LUZP2: variants seen among roughly 807,000 people sequenced by gnomAD.
The protein encoded by LUZP2 is leucine zipper protein 2.
In LUZP2, 52 loss-of-function variants were observed where a neutral mutation model predicts 51.6. The ratio of observed to expected loss-of-function variants is 1.01; its 90% CI spans 0.81 to 1.27. The LOEUF is 1.27. Ranked by LOEUF, LUZP2 falls within the 50% of genes most tolerant of loss-of-function variation. LUZP2 has a pLI of 0.00. For missense variants in LUZP2, 436 were observed against 395.4 expected (o/e 1.10, Z -0.87); for synonymous variants, 154 against 137.3 (o/e 1.12, Z -0.85).
intron 6 of LUZP2, among the ~76,000 whole-genome samples, chr11:24,908,190 A>G (rs1394501862): frequency 6.6e-6 from 1 of 152,208 alleles, no homozygotes; most frequent in Non-Finnish European, 1.5e-5. Flanking sequence ...AGAATAAAAT[A>G]TCTAAATCCC....
At chr11:24,497,360 G>A (rs1167210671) in intron 1 of LUZP2, 55 bp downstream of exon 1, 15 of 1,379,250 alleles carry the variant, frequency 1.1e-5, no homozygotes, top group Non-Finnish European at 1.4e-5. Flanking sequence ...GGGCGAGGTT[G>A]GTCCTACTGT....
intron 1 of LUZP2, among the ~76,000 whole-genome samples, chr11:24,592,322 T>G (rs1455084564): frequency 6.6e-6 from 1 of 152,216 alleles, no homozygotes. Context: ...ATTTCACATT[T>G]GATTTGAGAT....
At chr11:24,609,594 G>C (rs993552009) in intron 1 of LUZP2, among the ~76,000 whole-genome samples, 6 of 151,882 alleles carry the variant, frequency 4.0e-5, no homozygotes, top group Admixed American at 2.6e-4. Flanking sequence ...GTGGGATGTG[G>C]TGGCATGTGC....
intron 1 of LUZP2, among the ~76,000 whole-genome samples, chr11:24,548,346 T>C (rs10767210): frequency 0.42 from 63,677 of 151,882 alleles, 13,856 homozygotes; most frequent in African/African-American, 0.51. Flanking sequence ...GTGGTACATA[T>C]ATACCATGGA....
intron 1 of LUZP2, among the ~76,000 whole-genome samples, chr11:24,506,695 CTT>C (rs1280825104): frequency 1.3e-5 from 2 of 152,088 alleles, no homozygotes; most frequent in African/African-American, 2.4e-5. Context: ...GCTACTTACT[CTT>C]TGTCACTTAA....
intron 1 of LUZP2, among the ~76,000 whole-genome samples, chr11:24,540,201 C>T (rs1851313748): frequency 6.6e-6 from 1 of 152,108 alleles, no homozygotes; most frequent in Non-Finnish European, 1.5e-5. Context: ...CCATGTCTCT[C>T]TTTACAATTA....
chr11:24,821,554 C>A (rs535644514), intron 5 of LUZP2, among the ~76,000 whole-genome samples: 1 of 152,156 alleles, frequency 6.6e-6, no homozygotes, highest in East Asian at 1.9e-4. Flanking sequence ...CTAGATCTTG[C>A]CTCATGCTGT....
chr11:24,578,400 T>C (rs534314544), intron 1 of LUZP2, among the ~76,000 whole-genome samples: 5 of 152,192 alleles, frequency 3.3e-5, no homozygotes, highest in East Asian at 1.9e-4. Context: ...AAGTATATTA[T>C]TCAGGTAACC....
At chr11:24,533,265 G>T (rs1851069260) in intron 1 of LUZP2, among the ~76,000 whole-genome samples, 2 of 151,176 alleles carry the variant, frequency 1.3e-5, no homozygotes, top group African/African-American at 4.8e-5. Context: ...TGTGTGGGAA[G>T]TTCCACATAT....
chr11:24,522,777 T>C (rs1850684088), intron 1 of LUZP2, among the ~76,000 whole-genome samples: 1 of 152,116 alleles, frequency 6.6e-6, no homozygotes, highest in South Asian at 2.1e-4. Context: ...GGGGTATCGA[T>C]GATACTCAGA....
At chr11:24,890,813 A>G (rs960522813) in intron 5 of LUZP2, 1 of 673,104 alleles carries the variant, frequency 1.5e-6, no homozygotes, top group Non-Finnish European at 1.8e-6. Context: ...ATTTATATGA[A>G]TATGCTAACA....
At chr11:24,499,374 G>A (rs1849919783) in intron 1 of LUZP2, among the ~76,000 whole-genome samples, 1 of 152,180 alleles carries the variant, frequency 6.6e-6, no homozygotes, top group South Asian at 2.1e-4. Flanking sequence ...ATGTTTTAAA[G>A]ATCTCTAACA....
At chr11:25,040,056 C>A (rs1323939204) in intron 9 of LUZP2, among the ~76,000 whole-genome samples, 1 of 152,070 alleles carries the variant, frequency 6.6e-6, no homozygotes, top group Non-Finnish European at 1.5e-5. Flanking sequence ...TATCTATTAA[C>A]AACCTATAAA....
At chr11:24,651,781 A>G (rs915919435) in intron 1 of LUZP2, among the ~76,000 whole-genome samples, 4 of 152,082 alleles carry the variant, frequency 2.6e-5, no homozygotes, top group Non-Finnish European at 1.5e-5. Context: ...GCCTCCTCCA[A>G]TCAGTTGAAG....
chr11:24,717,143 T>C (rs1482295900), intron 1 of LUZP2, among the ~76,000 whole-genome samples: 1 of 150,326 alleles, frequency 6.7e-6, no homozygotes, highest in Non-Finnish European at 1.5e-5. Context: ...TCTAACTAGA[T>C]TGATAAACAG....
rs368059203 is a variant in LUZP2, at chr11:24,948,200, T to G, written c.523-28391T>G. ...TTTTCCTCCAGGACAAATATAGCGT[T>G]GAGCATCATGAGTGATTTTTTTTCA... On this transcript the variant is annotated intron_variant, in intron 7 of 11. Transcript: ENST00000336930. Among the ~76,000 whole-genome samples the G allele has an allele frequency of 5.9e-5, 9 of 151,734 alleles. No homozygotes were observed. In the South Asian group the frequency reaches 1.2e-3, roughly 21 times the overall value.
intron 5 of LUZP2, among the ~76,000 whole-genome samples, chr11:24,830,836 T>C (rs1304874136): frequency 1.3e-5 from 2 of 151,348 alleles, no homozygotes; most frequent in African/African-American, 4.9e-5. Context: ...CTACTAAAAA[T>C]ACAAAAAATT....
chr11:24,516,105 ATT>A (rs142714842), intron 1 of LUZP2, among the ~76,000 whole-genome samples: 1 of 150,316 alleles, frequency 6.7e-6, no homozygotes, highest in African/African-American at 2.4e-5. Flanking sequence ...CTTATAGTAG[ATT>A]TTTTTTTTCA....
intron 1 of LUZP2, among the ~76,000 whole-genome samples, chr11:24,648,296 C>T (rs978496725): frequency 2.0e-5 from 3 of 151,746 alleles, no homozygotes; most frequent in African/African-American, 7.3e-5. Context: ...TTCTGTCTGC[C>T]TTGACTGCAA....
Sources: gnomAD v4.1 joint callset for allele counts (sites outside exome capture counted in the v4.1 genomes callset) on GRCh38, gnomAD v4.1.1 for gene constraint, MANE v1.5 for transcripts, NCBI Gene and HGNC (gene_info 2026-07-23, HGNC 2026-07-21) for gene names.